LRRC4C: variants seen among roughly 807,000 people sequenced by gnomAD.
LRRC4C encodes leucine rich repeat containing 4C.
Under a neutral mutation model 33.6 loss-of-function variants are expected in LRRC4C, and 5 were observed. The observed-to-expected ratio is 0.15, with a 90% confidence interval of 0.08 to 0.31. The LOEUF (loss-of-function observed/expected upper bound fraction) is 0.31, where lower values mean the gene tolerates loss of function less well. Ranked by LOEUF, LRRC4C falls within the 10% of genes least tolerant of loss-of-function variation. LRRC4C has a pLI of 1.00. For missense variants in LRRC4C, 560 were observed against 796.7 expected (o/e 0.70, Z 3.58); for synonymous variants, 329 against 302.0 (o/e 1.09, Z -0.93).
intron 4 of LRRC4C, among the ~76,000 whole-genome samples, chr11:40,269,747 C>A (rs531071544): frequency 4.9e-4 from 69 of 142,020 alleles, no homozygotes; most frequent in Non-Finnish European, 9.5e-4. Context: ...AAGGGATATA[C>A]ATTTTTTATC....
intron 2 of LRRC4C, among the ~76,000 whole-genome samples, chr11:40,887,348 ATC>A (rs1452142006): frequency 1.4e-4 from 21 of 152,064 alleles, no homozygotes; most frequent in Non-Finnish European, 3.1e-4. Flanking sequence ...CAAACTTAGC[ATC>A]ATTTAAAATA....
At chr11:40,870,266 A>G (rs1591948676) in intron 2 of LRRC4C, among the ~76,000 whole-genome samples, 1 of 152,272 alleles carries the variant, frequency 6.6e-6, no homozygotes, top group East Asian at 1.9e-4. Flanking sequence ...TATTCTCATT[A>G]TAACTTATCA....
At chr11:40,655,464 G>A (rs925846810) in intron 2 of LRRC4C, among the ~76,000 whole-genome samples, 1 of 152,048 alleles carries the variant, frequency 6.6e-6, no homozygotes, top group Non-Finnish European at 1.5e-5. Flanking sequence ...TAAGTCTATG[G>A]GCTCTGTTCA....
At chr11:40,390,753 G>C (rs1301381192) in intron 3 of LRRC4C, among the ~76,000 whole-genome samples, 1 of 152,188 alleles carries the variant, frequency 6.6e-6, no homozygotes, top group African/African-American at 2.4e-5. Context: ...GTTCATGATG[G>C]TAGTTCTGTA....
intron 4 of LRRC4C, chr11:40,293,131 G>C (rs1019556317): frequency 4.0e-5 from 6 of 149,086 alleles, no homozygotes; most frequent in African/African-American, 1.5e-4. Context: ...TCCAAACTCC[G>C]GTTATATCCT....
intron 1 of LRRC4C, among the ~76,000 whole-genome samples, chr11:41,383,382 A>C (rs772156270): frequency 7.2e-5 from 11 of 152,154 alleles, no homozygotes; most frequent in Non-Finnish European, 1.5e-4. Flanking sequence ...AAGCGGTACT[A>C]TTTTGGCCTC....
At chr11:41,081,426 A>T (rs559442800) in intron 1 of LRRC4C, among the ~76,000 whole-genome samples, 2 of 152,336 alleles carry the variant, frequency 1.3e-5, no homozygotes, top group Admixed American at 1.3e-4. Flanking sequence ...AGCAGTCTTC[A>T]CCTCATACCA....
chr11:40,997,128 T>C (rs780170213), intron 1 of LRRC4C, among the ~76,000 whole-genome samples: 13 of 152,000 alleles, frequency 8.6e-5, no homozygotes, highest in Non-Finnish European at 1.9e-4. Flanking sequence ...ATAATAGAGA[T>C]TTGTGAATTA....
intron 1 of LRRC4C, among the ~76,000 whole-genome samples, chr11:41,061,381 G>A (rs565937936): frequency 6.6e-6 from 1 of 152,264 alleles, no homozygotes; most frequent in South Asian, 2.1e-4. Flanking sequence ...AGGGAAGGGA[G>A]AGGTGGAGAG....
At chr11:40,800,751 T>C (rs766531764) in intron 2 of LRRC4C, among the ~76,000 whole-genome samples, 2 of 152,172 alleles carry the variant, frequency 1.3e-5, no homozygotes, top group Non-Finnish European at 2.9e-5. Flanking sequence ...GTGTATTTTC[T>C]TCTTCTGTGT....
rs184748855 is a variant in LRRC4C, at chr11:40,658,291, G to T, written c.-406-10013C>A. On this transcript the variant is annotated intron_variant, in intron 2 of 6. Transcript: ENST00000528697. ...TCTAGGCTTGACATGAAAGCTAAAA[G>T]AGCCTTATTTAAGGTTGAATCATGA... 1.8e-3 allele frequency among the ~76,000 whole-genome samples: 268 copies of T among 152,276 alleles called. 1 individual carries two copies. The highest frequency in any genetic ancestry group is 0.01 in the Middle Eastern group (3 of 294).
chr11:41,443,089 A>ATTTTTTTTTTTTTTTTTTTTTTTT, intron 1 of LRRC4C, among the ~76,000 whole-genome samples: 6 of 105,990 alleles, frequency 5.7e-5, no homozygotes, highest in East Asian at 3.0e-4. Context: ...TGTTTGCTTC[A>ATTTTTTTTTTTTTTTTTTTTTTTT]TTTTTTTTTT....
intron 2 of LRRC4C, among the ~76,000 whole-genome samples, chr11:40,845,099 T>C (rs1953095092): frequency 6.6e-6 from 1 of 152,118 alleles, no homozygotes; most frequent in Non-Finnish European, 1.5e-5. Flanking sequence ...ATATATACAA[T>C]TTTAATTTGT....
chr11:41,338,590 G>C (rs1045506536), intron 1 of LRRC4C, among the ~76,000 whole-genome samples: 1 of 151,986 alleles, frequency 6.6e-6, no homozygotes, highest in Non-Finnish European at 1.5e-5. Context: ...TAACACATAT[G>C]GTGCTTAAAA....
At chr11:40,735,607 C>T (rs1206253457) in intron 2 of LRRC4C, among the ~76,000 whole-genome samples, 6 of 126,790 alleles carry the variant, frequency 4.7e-5, no homozygotes, top group East Asian at 2.0e-4. Flanking sequence ...TGAATAGTGC[C>T]GCAATAAACA....
intron 1 of LRRC4C, among the ~76,000 whole-genome samples, chr11:41,447,870 T>A (rs537260468): frequency 6.6e-6 from 1 of 152,342 alleles, no homozygotes; most frequent in Admixed American, 6.5e-5. Context: ...GTGTGTTTGA[T>A]AATAATCTTA....
At chr11:41,166,801 C>T (rs1465041719) in intron 1 of LRRC4C, among the ~76,000 whole-genome samples, 5 of 152,076 alleles carry the variant, frequency 3.3e-5, no homozygotes, top group South Asian at 4.1e-4. Flanking sequence ...CACTTCATGC[C>T]GGAGGAATGA....
At chr11:40,578,141 G>GTTTTTTTTTTTTTTTTT (rs1360920903) in intron 3 of LRRC4C, among the ~76,000 whole-genome samples, 1 of 50,136 alleles carries the variant, frequency 2.0e-5, no homozygotes, top group Non-Finnish European at 3.7e-5. Flanking sequence ...TTTTTTTTCG[G>GTTTTTTTTTTTTTTTTT]TTTTTTTTTT....
At chr11:41,351,256 CA>C (rs1951973663) in intron 1 of LRRC4C, among the ~76,000 whole-genome samples, 6 of 150,222 alleles carry the variant, frequency 4.0e-5, no homozygotes, top group Non-Finnish European at 7.4e-5. Flanking sequence ...CACACATACA[CA>C]CACACACACA....
Sources: allele counts gnomAD v4.1 joint callset (sites outside exome capture counted in the v4.1 genomes callset), GRCh38; gene constraint gnomAD v4.1.1; transcripts MANE v1.5; gene names NCBI Gene and HGNC (gene_info 2026-07-23, HGNC 2026-07-21).